Variants in USP47 observed in about 807,000 individuals in gnomAD.
USP47 encodes the protein ubiquitin specific peptidase 47.
In USP47, 35 loss-of-function variants were observed where a neutral mutation model predicts 165.1. The ratio of observed to expected loss-of-function variants is 0.21; its 90% CI spans 0.16 to 0.28. The LOEUF (loss-of-function observed/expected upper bound fraction) is 0.28. Ranked by LOEUF, USP47 falls within the 10% of genes least tolerant of loss-of-function variation. USP47 has a pLI of 1.00. For missense variants in USP47, 1,277 were observed against 1,607.4 expected (o/e 0.79, Z 3.52); for synonymous variants, 531 against 544.5 (o/e 0.98, Z 0.35).
chr11:11,899,942 A>G (rs974639646), intron 5 of USP47, among the ~76,000 whole-genome samples: 13 of 152,208 alleles, frequency 8.5e-5, no homozygotes, highest in Admixed American at 5.2e-4. Context: ...TCCACAGAGT[A>G]GCGCTACCAT....
rs760823051 is a variant in USP47, at chr11:11,942,632, G to A, written c.2611G>A (p.Gly871Arg). 1.2e-6 allele frequency: 2 copies of A among 1,613,464 alleles called. No homozygotes were observed. The highest frequency in any genetic ancestry group is 1.1e-5 in the South Asian group (1 of 91,056). Residue 871 changes from glycine (G) to arginine (R), a missense_variant, in exon 20 of 28, where the codon GGA (glycine) becomes AGA (arginine). This residue lies in a region of USP47 where 909 missense variants were observed against 1,068.1 expected (regional missense o/e 0.85). Transcript: ENST00000527733. The stretch of plus-strand genomic sequence containing the variant: ...CTTGTCACTGCAGCAACAGCAGGAT[G>A]GAGATAATGGGGACAGCAGCAAAAG... The part of the protein sequence containing the change: ...KSLSLQQQQD[G>R]DNGDSSKSTE...
At position 11,842,313 on chromosome 11, in the gene USP47, C is replaced by A. The variant is rs543715672; in HGVS notation, c.39+89C>A. The A allele has an allele frequency of 8.1e-4, 1,166 of 1,444,440 alleles. 13 individuals are homozygous for A. In the African/African-American group the frequency reaches 0.014, roughly 18 times the overall value. 89.5% of individuals were successfully genotyped at this position (1,444,440 alleles called of 1,614,324 possible). On this transcript the variant is annotated intron_variant, in intron 1 of 27. Transcript: ENST00000527733. Reference sequence around the variant, plus strand: ...GCCGGGGTTCGGCTGCGGGCCCGGCCGGGGTGCAGGCTCGGCTGTGGGGGA... The same window carrying A: ...GCCGGGGTTCGGCTGCGGGCCCGGCAGGGGTGCAGGCTCGGCTGTGGGGGA...
At chr11:11,945,750 C>G (rs767676654) in intron 20 of USP47, among the ~76,000 whole-genome samples, 74 of 151,930 alleles carry the variant, frequency 4.9e-4, no homozygotes, top group Non-Finnish European at 9.1e-4. Flanking sequence ...GCCTGAGCAA[C>G]ATAGTAAGAC....
At chr11:11,930,270 T>G in intron 13 of USP47, 150 bp downstream of exon 13, 1 of 668,548 alleles carries the variant, frequency 1.5e-6, no homozygotes, top group South Asian at 1.9e-5. Flanking sequence ...GAAATAAAGT[T>G]TGAACACTGA....
Position 11,929,559 on chromosome 11 carries a change from C to T in USP47, c.1512C>T (p.Val504=). The T allele has an allele frequency of 6.2e-7, 1 of 1,612,748 alleles. No homozygotes were observed. Among genetic ancestry groups the T allele is most frequent in the East Asian group, 2.2e-5 (1 of 44,814 alleles). ...EQWYSFNDQH[V]SRITQEDIKK... is the part of the protein sequence containing the mutation. ...GGTACAGCTTCAATGATCAACATGT[C>T]AGCAGGGTAAGGAGGTGTCCTTTAA... is the stretch of plus-strand genomic sequence containing the variant. Residue 504 remains valine (V), a synonymous_variant, in exon 12 of 28, where the codon GTC becomes GTT. Transcript: ENST00000527733.
chr11:11,940,345 A>G lies in USP47; in HGVS notation c.2194-84A>G. ...TCTCTGCTGCTTTTAAGAAGAACTC[A>G]GCAGTGTCTTGCTTTCCCATATTTT... On this transcript the variant is annotated intron_variant, in intron 18 of 27. Transcript: ENST00000527733. The G allele has an allele frequency of 5.8e-6, 8 of 1,381,542 alleles. No homozygotes were observed. In the South Asian group the frequency reaches 1.0e-4, roughly 18 times the overall value. 85.6% of individuals were successfully genotyped at this position (1,381,542 alleles called of 1,614,324 possible).
intron 14 of USP47, among the ~76,000 whole-genome samples, chr11:11,932,179 C>A (rs1430762023): frequency 6.6e-6 from 1 of 152,014 alleles, no homozygotes; most frequent in Non-Finnish European, 1.5e-5. Flanking sequence ...AAGCAAGTTC[C>A]GGGGTTGGGG....
intron 10 of USP47, among the ~76,000 whole-genome samples, chr11:11,921,303 C>T (rs1158227922): frequency 6.6e-6 from 1 of 151,402 alleles, no homozygotes; most frequent in Non-Finnish European, 1.5e-5. Flanking sequence ...TGCCTTTTCC[C>T]AGGAGTTCAA....
chr11:11,860,269 C>G (rs532939454), intron 1 of USP47, among the ~76,000 whole-genome samples: 2 of 151,954 alleles, frequency 1.3e-5, no homozygotes, highest in Non-Finnish European at 2.9e-5. Flanking sequence ...CCTGCCCACC[C>G]TACCACTGAG....
chr11:11,875,450 G>C (rs969536197), intron 1 of USP47, among the ~76,000 whole-genome samples: 6 of 152,170 alleles, frequency 3.9e-5, no homozygotes, highest in African/African-American at 1.4e-4. Context: ...TAAGAGGCAA[G>C]CATCCCTTCA....
At chr11:11,929,844 C>T (rs1456783885) in intron 12 of USP47, among the ~76,000 whole-genome samples, 200 bp from the exon 13 acceptor site, 2 of 152,108 alleles carry the variant, frequency 1.3e-5, no homozygotes, top group African/African-American at 2.4e-5. Flanking sequence ...TTGTGCTTCA[C>T]GTGTGATTAG....
intron 1 of USP47, chr11:11,856,524 A>C (rs545855343): frequency 6.6e-6 from 1 of 152,268 alleles, no homozygotes; most frequent in Admixed American, 6.5e-5. Context: ...CTTAGGCATA[A>C]TTGTTACATA....
Position 11,950,385 on chromosome 11 carries a change from A to G in USP47, c.3486A>G (p.Thr1162=). 3 of 1,600,610 alleles carry G rather than the reference A, an allele frequency of 1.9e-6. No homozygotes were observed. Among genetic ancestry groups the G allele is most frequent in the Non-Finnish European group, 2.6e-6 (3 of 1,175,900 alleles). ...SIDRFRLRKK[T]WKNPGTVFLD... is the part of the protein sequence containing the mutation. ...GTAGGTTTCGTCTAAGGAAAAAAAC[A>G]TGGAAGAATCCTGGCACTGTCTTTT... Residue 1162 remains threonine, a synonymous_variant, in exon 24 of 28, where the codon ACA becomes ACG. Transcript: ENST00000527733.
At chr11:11,952,369 T>A (rs1031515135) in intron 24 of USP47, 1 of 152,892 alleles carries the variant, frequency 6.5e-6, no homozygotes, top group Non-Finnish European at 1.5e-5. Context: ...ATAATAGCTT[T>A]AGTGAAAAAA....
intron 6 of USP47, 58 bp downstream of exon 6, chr11:11,902,918 A>G (rs1852319009): frequency 2.1e-6 from 3 of 1,453,690 alleles, no homozygotes; most frequent in Non-Finnish European, 1.8e-6. Flanking sequence ...CTAGAAGACA[A>G]TAATATTACA....
At chr11:11,875,878 C>A (rs11822702) in intron 1 of USP47, among the ~76,000 whole-genome samples, 7,575 of 152,348 alleles carry the variant, frequency 0.05, 474 homozygotes, top group African/African-American at 0.15. Context: ...GCAGTGATTA[C>A]AGATGTGAGC....
intron 11 of USP47, among the ~76,000 whole-genome samples, chr11:11,926,618 GCT>G (rs1166362547): frequency 6.7e-6 from 1 of 149,642 alleles, no homozygotes; most frequent in Non-Finnish European, 1.5e-5. Context: ...CAAAAAGCCA[GCT>G]CTTAGTTTCA....
At chr11:11,910,572 A>G (rs985433465) in intron 8 of USP47, among the ~76,000 whole-genome samples, 1 of 151,930 alleles carries the variant, frequency 6.6e-6, no homozygotes, top group Non-Finnish European at 1.5e-5. Context: ...TGCTTGTGTC[A>G]GTGTTGGGGT....
intron 20 of USP47, among the ~76,000 whole-genome samples, chr11:11,945,921 C>T (rs1429122531): frequency 1.3e-5 from 2 of 148,590 alleles, no homozygotes; most frequent in Admixed American, 6.8e-5. Flanking sequence ...GGCAACAGAG[C>T]GAGACCCTGT....
Sources: gnomAD v4.1 joint callset for allele counts (sites outside exome capture counted in the v4.1 genomes callset) on GRCh38, gnomAD v4.1.1 for gene constraint, gnomAD v4.1.1 regional missense constraint, MANE v1.5 for transcripts, NCBI Gene and HGNC (gene_info 2026-07-23, HGNC 2026-07-21) for gene names.